The following TCEANC2 variants were observed in gnomAD, a reference collection of about 807,000 sequenced individuals.
The protein encoded by TCEANC2 is transcription elongation factor A N-terminal and central domain-containing protein 2.
Under a neutral mutation model 22.8 loss-of-function variants are expected in TCEANC2, and 20 were observed. The ratio of observed to expected loss-of-function variants is 0.88; its 90% CI spans 0.62 to 1.28. The LOEUF is 1.28. TCEANC2 is among the 50% of genes most tolerant of loss of function. TCEANC2 has a pLI of 0.00. For missense variants in TCEANC2, 251 were observed against 249.7 expected, an observed-to-expected ratio of 1.01 and a Z score of -0.03; for synonymous variants, 84 against 95.5, an observed-to-expected ratio of 0.88 and a Z score of 0.70.
At chr1:54,068,100 G>A (rs1290293397) in intron 2 of TCEANC2, among the ~76,000 whole-genome samples, 1 of 152,204 alleles carries the variant, frequency 6.6e-6, no homozygotes, top group African/African-American at 2.4e-5. Flanking sequence ...ATGGAAAGAT[G>A]CATATCAACT....
At chr1:54,092,574 A>G (rs550665876) in intron 4 of TCEANC2, among the ~76,000 whole-genome samples, 1 of 152,232 alleles carries the variant, frequency 6.6e-6, no homozygotes, top group Admixed American at 6.5e-5. Flanking sequence ...AACATTTACT[A>G]TGTGCCACTA....
chr1:54,086,566 G>C (rs1209298512), intron 3 of TCEANC2, among the ~76,000 whole-genome samples: 2 of 152,166 alleles, frequency 1.3e-5, no homozygotes, highest in Non-Finnish European at 2.9e-5. Flanking sequence ...AATGTTTTAA[G>C]AGCTGCAAGT....
chr1:54,091,150 CAA>C (rs11428267), intron 4 of TCEANC2, among the ~76,000 whole-genome samples: 6 of 142,848 alleles, frequency 4.2e-5, no homozygotes, highest in Non-Finnish European at 4.6e-5. Context: ...CGTCCTTAGC[CAA>C]AAAAAAAAAA....
In TCEANC2 at chr1:54,098,298, A is replaced by C. The variant is rs1658596283; in HGVS notation, c.*1825A>C. 6.5e-6 allele frequency: 1 copy of C among 153,566 alleles called. No homozygotes were observed. Among genetic ancestry groups the C allele is most frequent in the Non-Finnish European group, 1.4e-5 (1 of 68,992 alleles). The allele number at this position is 153,566 out of a possible 1,614,324, so 9.5% of individuals were successfully genotyped here. On this transcript the variant is annotated 3_prime_UTR_variant, in exon 5 of 5. Transcript: ENST00000234827. ...CAGCCAACCAAGTCCTGGTGGTTTG[A>C]TTAGGTTGGTGCAAAAGTAATTGTG... is the stretch of plus-strand genomic sequence containing the variant.
At chr1:54,088,865 G>A in intron 4 of TCEANC2, 75 bp downstream of exon 4, 2 of 1,143,818 alleles carry the variant, frequency 1.7e-6, no homozygotes, top group Non-Finnish European at 2.4e-6. Context: ...TAAAGGTAAT[G>A]TCCTGGTCGG....
chr1:54,107,680 G>C (rs899129333), downstream of TCEANC2, among the ~76,000 whole-genome samples: 5 of 152,148 alleles, frequency 3.3e-5, no homozygotes, highest in African/African-American at 7.2e-5. Context: ...GTTGTAATCA[G>C]ATGTTTTTTC....
rs571492750 is a variant in TCEANC2, at chr1:54,075,990, C to T, written c.244+7093C>T. Among the ~76,000 whole-genome samples the T allele has an allele frequency of 1.3e-3, 189 of 150,476 alleles. 1 individual carries two copies. Among genetic ancestry groups the T allele is most frequent in the Non-Finnish European group, 2.2e-3 (146 of 67,742 alleles). On this transcript the variant is annotated intron_variant, in intron 3 of 4. Coordinates refer to ENST00000234827, the MANE Select transcript of TCEANC2 (RefSeq NM_153035.3). ...TTGCAATGAGCCAAGATCATGCCAC[C>T]GCACTCCAGCTTGGGCAACAGAGCA...
At chr1:54,089,089 G>T (rs190659751) in intron 4 of TCEANC2, among the ~76,000 whole-genome samples, 1 of 152,290 alleles carries the variant, frequency 6.6e-6, no homozygotes, top group Non-Finnish European at 1.5e-5. Context: ...TAGGCAGATA[G>T]CTTAACGTTT....
intron 2 of TCEANC2, among the ~76,000 whole-genome samples, chr1:54,064,079 A>G (rs1657905479): frequency 6.6e-6 from 1 of 152,276 alleles, no homozygotes; most frequent in African/African-American, 2.4e-5. Context: ...TCTAGAATGC[A>G]GAGGACTTTC....
Position 54,103,659 on chromosome 1 carries a change from G to A in TCEANC2, c.*7186G>A, listed in dbSNP as rs932221597. The A allele has an allele frequency of 2.0e-5, 3 of 152,088 alleles. No homozygotes were observed. The highest frequency in any genetic ancestry group is 3.9e-4 in the East Asian group (2 of 5,188). 9.4% of individuals were successfully genotyped at this position (152,088 alleles called of 1,614,324 possible). A position where few individuals can be genotyped will look rare whatever the true frequency, so the allele number is the denominator to read the frequency against. Reference sequence around the variant, plus strand: ...TAGCTATTGCTGCTGCTGAGTGTTCGGCCTGCCAGTAACAGAGACCAACTC... The same window carrying A: ...TAGCTATTGCTGCTGCTGAGTGTTCAGCCTGCCAGTAACAGAGACCAACTC... On this transcript the variant is annotated 3_prime_UTR_variant, in exon 5 of 5. Transcript: ENST00000234827.
chr1:54,097,044 T>C lies in TCEANC2; in HGVS notation c.*571T>C, dbSNP rs1658571647. ...AGCTCTCCCTGGAAGACCTTCTGCG[T>C]TGGTCTCCAGAGCCCCCATGCTGAG... On this transcript the variant is annotated 3_prime_UTR_variant, in exon 5 of 5. Transcript: ENST00000234827. 1.0e-6 allele frequency: 1 copy of C among 959,338 alleles called. No homozygotes were observed. Among genetic ancestry groups the C allele is most frequent in the Non-Finnish European group, 1.2e-6 (1 of 805,828 alleles). 59.4% of individuals were successfully genotyped at this position (959,338 alleles called of 1,614,324 possible). A position where few individuals can be genotyped will look rare whatever the true frequency, so the allele number is the denominator to read the frequency against.
At chr1:54,084,851 C>T (rs774004602) in intron 3 of TCEANC2, among the ~76,000 whole-genome samples, 1 of 152,026 alleles carries the variant, frequency 6.6e-6, no homozygotes, top group Non-Finnish European at 1.5e-5. Flanking sequence ...TTTTTAGCAT[C>T]TACTACAGTG....
chr1:54,061,850 A>G (rs1277327597), intron 2 of TCEANC2, among the ~76,000 whole-genome samples: 1 of 152,260 alleles, frequency 6.6e-6, no homozygotes, highest in African/African-American at 2.4e-5. Flanking sequence ...TATATATTAC[A>G]AGTAATTTTG....
At chr1:54,073,431 TC>T (rs2100366582) in intron 3 of TCEANC2, among the ~76,000 whole-genome samples, 1 of 152,290 alleles carries the variant, frequency 6.6e-6, no homozygotes, top group East Asian at 1.9e-4. Flanking sequence ...CCAGCTCCCC[TC>T]CTCGCTACTG....
At chr1:54,092,676 A>G (rs1415054057) in intron 4 of TCEANC2, among the ~76,000 whole-genome samples, 1 of 152,214 alleles carries the variant, frequency 6.6e-6, no homozygotes, top group African/African-American at 2.4e-5. Context: ...AAGACAGACA[A>G]ATAGATAGTT....
intron 3 of TCEANC2, among the ~76,000 whole-genome samples, chr1:54,071,461 T>C (rs1658054441): frequency 6.6e-6 from 1 of 152,050 alleles, no homozygotes; most frequent in Non-Finnish European, 1.5e-5. Flanking sequence ...CATGTGGGCC[T>C]CTCCTTGGAG....
At chr1:54,055,709 A>C (rs961306535) in intron 2 of TCEANC2, among the ~76,000 whole-genome samples, 2 of 152,226 alleles carry the variant, frequency 1.3e-5, no homozygotes, top group South Asian at 2.1e-4. Flanking sequence ...TACTTGACAT[A>C]TACTCAATTG....
intron 3 of TCEANC2, among the ~76,000 whole-genome samples, chr1:54,077,761 G>T (rs1658169052): frequency 6.6e-6 from 1 of 152,072 alleles, no homozygotes; most frequent in Non-Finnish European, 1.5e-5. Context: ...GAGTGAAAAT[G>T]ACAACGTTGA....
intron 2 of TCEANC2, among the ~76,000 whole-genome samples, chr1:54,066,912 A>T (rs889687085): frequency 2.0e-5 from 3 of 152,192 alleles, no homozygotes; most frequent in African/African-American, 7.2e-5. Flanking sequence ...TCCCAATGAG[A>T]TTCTGGACCA....
Sources: allele counts gnomAD v4.1 joint callset (sites outside exome capture counted in the v4.1 genomes callset), GRCh38; gene constraint gnomAD v4.1.1; transcripts MANE v1.5; gene names NCBI Gene and HGNC (gene_info 2026-07-23, HGNC 2026-07-21).